AKIRIN2: variants seen among roughly 807,000 people sequenced by gnomAD.
AKIRIN2 encodes akirin-2.
In AKIRIN2, 6 loss-of-function variants were observed where a neutral mutation model predicts 29.3. The ratio of observed to expected loss-of-function variants is 0.20; its 90% CI spans 0.11 to 0.40. The LOEUF (loss-of-function observed/expected upper bound fraction) is 0.40, where lower values mean the gene tolerates loss of function less well. Ranked by LOEUF, AKIRIN2 falls within the 10% of genes least tolerant of loss-of-function variation. The probability of loss-of-function intolerance (pLI) is 1.00; values close to 1 mark genes in which losing one functional copy is unlikely to be tolerated. For missense variants in AKIRIN2, 210 were observed against 276.1 expected, an observed-to-expected ratio of 0.76 and a Z score of 1.70; for synonymous variants, 128 against 117.5, an observed-to-expected ratio of 1.09 and a Z score of -0.58.
At chr6:87,682,743 G>C (rs769786425) in intron 1 of AKIRIN2, among the ~76,000 whole-genome samples, 7 of 152,170 alleles carry the variant, frequency 4.6e-5, no homozygotes, top group Non-Finnish European at 1.0e-4. Flanking sequence ...AAGACTGATA[G>C]AGTGGAGTGT....
At chr6:87,701,237 A>G (rs2787925) in intron 1 of AKIRIN2, among the ~76,000 whole-genome samples, 13,259 of 151,928 alleles carry the variant, frequency 0.087, 678 homozygotes, top group African/African-American at 0.14. Flanking sequence ...CCCACCTCCA[A>G]ACACTATCCC....
intron 1 of AKIRIN2, among the ~76,000 whole-genome samples, chr6:87,697,298 TTG>T (rs1194080647): frequency 6.7e-6 from 1 of 149,316 alleles, no homozygotes; most frequent in African/African-American, 2.5e-5. Context: ...GAGTAAGACT[TTG>T]TCTCAAGAAA....
In AKIRIN2 at chr6:87,675,927, T is replaced by C. The variant is rs144630385; in HGVS notation, c.534A>G (p.Gln178=). ...EEILNTKLAE[Q]YDAFVKFTHD... Reference sequence around the variant, plus strand: ...GCGTAAACTTCACAAACGCATCATATTGTTCTATAAATAAAGGTACTTGTC... The same window carrying C: ...GCGTAAACTTCACAAACGCATCATACTGTTCTATAAATAAAGGTACTTGTC... Residue 178 remains glutamine, a synonymous_variant, in exon 4 of 5, where the codon CAA becomes CAG. Coordinates refer to ENST00000257787, the MANE Select transcript of AKIRIN2 (RefSeq NM_018064.4). 6.8e-5 allele frequency: 109 copies of C among 1,611,686 alleles called. 1 individual carries two copies. The Admixed American group carries it at 1.8e-3, about 27-fold the overall frequency.
chr6:87,695,982 C>T (rs1771353652), intron 1 of AKIRIN2, among the ~76,000 whole-genome samples: 1 of 152,034 alleles, frequency 6.6e-6, no homozygotes, highest in Non-Finnish European at 1.5e-5. Context: ...AGTTTGAAAC[C>T]AGCCTGGGCA....
chr6:87,688,020 C>T (rs1471226974), intron 1 of AKIRIN2, among the ~76,000 whole-genome samples: 2 of 152,108 alleles, frequency 1.3e-5, no homozygotes, highest in Non-Finnish European at 2.9e-5. Flanking sequence ...TAGTCCCCAG[C>T]TATTGGCAAA....
rs1770948319 is a variant in AKIRIN2, at chr6:87,675,279, A to C, written c.*318T>G. 2.7e-6 allele frequency: 1 copy of C among 370,032 alleles called. No homozygotes were observed. The highest frequency in any genetic ancestry group is 4.4e-5 in the East Asian group (1 of 22,514). 22.9% of individuals were successfully genotyped at this position (370,032 alleles called of 1,614,324 possible). A position where few individuals can be genotyped will look rare whatever the true frequency, so the allele number is the denominator to read the frequency against. On this transcript the variant is annotated 3_prime_UTR_variant, in exon 5 of 5. Transcript: ENST00000257787. Reference sequence around the variant, plus strand: ...AGTGTCATTCTACAGTTTTATTTACACAACCAGTGAAGGGCATGTTCTAGA... The same window carrying C: ...AGTGTCATTCTACAGTTTTATTTACCCAACCAGTGAAGGGCATGTTCTAGA...
intron 1 of AKIRIN2, among the ~76,000 whole-genome samples, chr6:87,691,128 G>A (rs569386517): frequency 2.6e-5 from 4 of 152,032 alleles, no homozygotes; most frequent in Non-Finnish European, 5.9e-5. Context: ...TGGAGCGAAG[G>A]CTACCAAGAT....
intron 3 of AKIRIN2, among the ~76,000 whole-genome samples, chr6:87,676,467 A>C (rs945412151): frequency 6.9e-6 from 1 of 144,952 alleles, no homozygotes. Context: ...AAAAAAAAAA[A>C]AAAACGAGGC....
chr6:87,681,044 AT>A (rs780676652), intron 2 of AKIRIN2, among the ~76,000 whole-genome samples: 3,406 of 147,564 alleles, frequency 0.023, 122 homozygotes, highest in African/African-American at 0.079. Context: ...TATTGTTATT[AT>A]TTTTTTTTTT....
intron 1 of AKIRIN2, among the ~76,000 whole-genome samples, chr6:87,698,936 GATAAA>G (rs1182255181): frequency 2.0e-4 from 31 of 152,056 alleles, no homozygotes; most frequent in African/African-American, 6.3e-4. Context: ...GGAGAACAAT[GATAAA>G]ATAAAGTGTA....
At chr6:87,680,345 G>A (rs1057438847) in intron 2 of AKIRIN2, among the ~76,000 whole-genome samples, 2 of 137,716 alleles carry the variant, frequency 1.5e-5, no homozygotes, top group African/African-American at 2.7e-5. Context: ...GCAATGGCGC[G>A]ATCTCTGCTC....
intron 2 of AKIRIN2, among the ~76,000 whole-genome samples, chr6:87,680,772 CTT>C (rs56332105): frequency 0.074 from 7,341 of 98,990 alleles, 785 homozygotes; most frequent in African/African-American, 0.24. Flanking sequence ...CGCCCCCCCC[CTT>C]TTTTTTTTTT....
chr6:87,692,215 A>C (rs1324143540), intron 1 of AKIRIN2, among the ~76,000 whole-genome samples: 2 of 152,212 alleles, frequency 1.3e-5, no homozygotes. Flanking sequence ...AGTCACTGAA[A>C]GGCAAACTTG....
chr6:87,701,524 G>A lies in AKIRIN2; in HGVS notation c.161C>T (p.Ala54Val). The A allele has an allele frequency of 2.8e-6, 4 of 1,445,942 alleles. No individual in the cohort carries two copies. Among genetic ancestry groups the A allele is most frequent in the South Asian group, 1.4e-5 (1 of 72,118 alleles). 89.6% of individuals were successfully genotyped at this position (1,445,942 alleles called of 1,614,324 possible). A position where few individuals can be genotyped will look rare whatever the true frequency, so the allele number is the denominator to read the frequency against. ...AAATAASFSA[A>V]AASPQKYLRM... ...GAGATACTTCTGCGGCGAGGCGGCC[G>A]CAGCGGAGAAGGAGGCGGCGGTGGC... Residue 54 changes from alanine to valine, a missense_variant, in exon 1 of 5, where the codon GCG becomes GTG. Around this residue, in one of 2 missense-constraint regions of AKIRIN2, gnomAD observed 199 missense variants for 236.5 expected, o/e 0.84. Transcript: ENST00000257787.
At chr6:87,700,267 CAA>C (rs10659226) in intron 1 of AKIRIN2, among the ~76,000 whole-genome samples, 6 of 142,020 alleles carry the variant, frequency 4.2e-5, no homozygotes, top group African/African-American at 1.3e-4. Flanking sequence ...TTAAATGTGA[CAA>C]AAAAAAAAAA....
intron 3 of AKIRIN2, among the ~76,000 whole-genome samples, chr6:87,676,501 A>G (rs1456738609): frequency 1.3e-5 from 2 of 149,250 alleles, no homozygotes; most frequent in Non-Finnish European, 3.0e-5. Flanking sequence ...TCACAGCTGT[A>G]ATCCCAGCAC....
At position 87,701,690 on chromosome 6, in the gene AKIRIN2, G is replaced by C. The variant is rs369371468; in HGVS notation, c.-6C>G. ...AGAGTGGCTCCGCACGCCATGGCCG[G>C]GGGCAGCTGAGGCGCCGGGCTCGGG... On this transcript the variant is annotated 5_prime_UTR_variant, in exon 1 of 5. Transcript: ENST00000257787. 26 of 1,446,336 alleles carry C rather than the reference G, an allele frequency of 1.8e-5. No individual in the cohort carries two copies. In the African/African-American group the frequency reaches 3.4e-4, roughly 19 times the overall value. The allele number at this position is 1,446,336 out of a possible 1,614,324, so 89.6% of individuals were successfully genotyped here. A position where few individuals can be genotyped will look rare whatever the true frequency, so the allele number is the denominator to read the frequency against.
chr6:87,688,683 G>A (rs1349695561), intron 1 of AKIRIN2, among the ~76,000 whole-genome samples: 1 of 152,082 alleles, frequency 6.6e-6, no homozygotes, highest in Non-Finnish European at 1.5e-5. Context: ...CCGGGGGGAG[G>A]TGGAGGTTGC....
Position 87,681,680 on chromosome 6 carries a change from G to C in AKIRIN2, c.319C>G (p.Pro107Ala). 4 of 1,613,700 alleles carry C rather than the reference G, an allele frequency of 2.5e-6. No homozygotes were observed. The highest frequency in any genetic ancestry group is 2.5e-6 in the Non-Finnish European group (3 of 1,179,802). ...HLETSFQQTDPCCTSDAQPHA... is the reference protein window; with the variant it reads ...HLETSFQQTDACCTSDAQPHA... ...GGCTGTGCATCAGAAGTACAACACG[G>C]ATCTGTCTGTTGGAAACTCGTTTCT... Residue 107 changes from proline to alanine, a missense_variant, in exon 2 of 5, where the codon CCG becomes GCG. Pro to Ala is a conservative substitution (Grantham distance 27). Coordinates refer to ENST00000257787, the MANE Select transcript of AKIRIN2 (RefSeq NM_018064.4).
Sources: gnomAD v4.1 joint callset for allele counts (sites outside exome capture counted in the v4.1 genomes callset) on GRCh38, gnomAD v4.1.1 for gene constraint, gnomAD v4.1.1 regional missense constraint, MANE v1.5 for transcripts, NCBI Gene and HGNC (gene_info 2026-07-23, HGNC 2026-07-21) for gene names.